IMMP1L: variants seen among roughly 807,000 people sequenced by gnomAD.
The protein encoded by IMMP1L is mitochondrial inner membrane protease subunit 1.
Under a neutral mutation model 21.8 loss-of-function variants are expected in IMMP1L, and 24 were observed. The ratio of observed to expected loss-of-function variants is 1.10; its 90% confidence interval spans 0.80 to 1.55. IMMP1L has a LOEUF of 1.55. IMMP1L is among the 40% of genes most tolerant of loss of function. IMMP1L has a pLI of 0.00. For synonymous variants in IMMP1L, 46 were observed against 62.8 expected (o/e 0.73, Z 1.26); for missense variants, 195 against 200.7 (o/e 0.97, Z 0.17).
At chr11:31,451,234 A>C (rs912220572) in intron 4 of IMMP1L, among the ~76,000 whole-genome samples, 1 of 152,160 alleles carries the variant, frequency 6.6e-6, no homozygotes, top group South Asian at 2.1e-4. Flanking sequence ...TAAGCAGAAG[A>C]GTGACATAAT....
chr11:31,448,544 T>C (rs1453786225), intron 4 of IMMP1L, among the ~76,000 whole-genome samples: 1 of 152,196 alleles, frequency 6.6e-6, no homozygotes, highest in Non-Finnish European at 1.5e-5. Context: ...TTCATTTTAC[T>C]CAACTGTATC....
intron 1 of IMMP1L, among the ~76,000 whole-genome samples, chr11:31,486,547 G>T (rs1370662215): frequency 6.6e-6 from 1 of 150,988 alleles, no homozygotes. Context: ...AATCATTTTA[G>T]AATGTTCCCC....
intron 1 of IMMP1L, among the ~76,000 whole-genome samples, chr11:31,482,982 T>C (rs939761426): frequency 3.9e-5 from 6 of 152,010 alleles, no homozygotes; most frequent in African/African-American, 1.4e-4. Context: ...CACAACTACA[T>C]GCAGCAATAA....
chr11:31,454,462 A>AC (rs983265142), intron 4 of IMMP1L, among the ~76,000 whole-genome samples: 3 of 150,810 alleles, frequency 2.0e-5, no homozygotes, highest in African/African-American at 7.3e-5. Context: ...AAAAAAAAAA[A>AC]AAAAAAAAAA....
intron 5 of IMMP1L, among the ~76,000 whole-genome samples, 171 bp downstream of exon 5, chr11:31,433,289 A>G (rs937318813): frequency 5.9e-5 from 9 of 152,154 alleles, no homozygotes; most frequent in Admixed American, 4.6e-4. Context: ...GAGCAGGGGC[A>G]ATGGGGGAAT....
chr11:31,506,226 C>CT (rs548091856), intron 1 of IMMP1L, among the ~76,000 whole-genome samples: 13,126 of 131,166 alleles, frequency 0.1, 2,202 homozygotes, highest in African/African-American at 0.32. Flanking sequence ...AAACATATAA[C>CT]TTTTTTTTTT....
chr11:31,435,988 C>A (rs1265646434), intron 4 of IMMP1L, among the ~76,000 whole-genome samples: 1 of 151,840 alleles, frequency 6.6e-6, no homozygotes. Context: ...TTTTTCTGTG[C>A]ATTTATTTGA....
intron 3 of IMMP1L, among the ~76,000 whole-genome samples, chr11:31,457,443 C>T (rs1953984985): frequency 6.6e-6 from 1 of 152,204 alleles, no homozygotes; most frequent in African/African-American, 2.4e-5. Context: ...TTGACTAACA[C>T]ACGTTTAAAA....
chr11:31,502,873 A>G (rs1168849873), intron 1 of IMMP1L, among the ~76,000 whole-genome samples: 3 of 152,202 alleles, frequency 2.0e-5, no homozygotes, highest in Non-Finnish European at 4.4e-5. Context: ...TGTGTTGACC[A>G]TTAAAAACAC....
chr11:31,489,829 T>A (rs1955198081), intron 1 of IMMP1L, among the ~76,000 whole-genome samples: 1 of 152,174 alleles, frequency 6.6e-6, no homozygotes, highest in Admixed American at 6.5e-5. Context: ...TATCGTTTCA[T>A]CCACTTACAA....
At chr11:31,446,947 T>TACATAA (rs1358004287) in intron 4 of IMMP1L, among the ~76,000 whole-genome samples, 1 of 152,174 alleles carries the variant, frequency 6.6e-6, no homozygotes, top group Non-Finnish European at 1.5e-5. Context: ...TACATAAAAT[T>TACATAA]AAGAATTCAG....
At chr11:31,442,807 C>T (rs1029203116) in intron 4 of IMMP1L, among the ~76,000 whole-genome samples, 1 of 150,498 alleles carries the variant, frequency 6.6e-6, no homozygotes, top group African/African-American at 2.4e-5. Flanking sequence ...AAAGAGCACA[C>T]ATTTATGAAA....
chr11:31,478,980 G>A (rs949208422), intron 1 of IMMP1L, among the ~76,000 whole-genome samples: 1 of 151,886 alleles, frequency 6.6e-6, no homozygotes, highest in Non-Finnish European at 1.5e-5. Flanking sequence ...AGAGAAATTA[G>A]GAAAATGATA....
chr11:31,505,237 ACAGT>A (rs1409758650), intron 1 of IMMP1L, among the ~76,000 whole-genome samples: 1 of 152,210 alleles, frequency 6.6e-6, no homozygotes, highest in Non-Finnish European at 1.5e-5. Flanking sequence ...AGGATTTACA[ACAGT>A]CAATCAAGGA....
intron 1 of IMMP1L, chr11:31,477,449 C>T (rs1307460712): frequency 1.5e-6 from 1 of 648,412 alleles, no homozygotes; most frequent in Non-Finnish European, 1.9e-6. Context: ...TATAGCTTAA[C>T]ATAAGGTTAC....
intron 1 of IMMP1L, among the ~76,000 whole-genome samples, chr11:31,507,546 T>A (rs1217026973): frequency 6.6e-6 from 1 of 152,188 alleles, no homozygotes. Flanking sequence ...TATACCATTA[T>A]GTTAAGTGAA....
At chr11:31,451,791 G>A (rs1340825076) in intron 4 of IMMP1L, among the ~76,000 whole-genome samples, 2 of 152,174 alleles carry the variant, frequency 1.3e-5, no homozygotes, top group East Asian at 1.9e-4. Context: ...GTCAGCTAAA[G>A]TATAAGTGTA....
intron 1 of IMMP1L, among the ~76,000 whole-genome samples, chr11:31,484,627 A>G (rs887818697): frequency 1.3e-5 from 2 of 151,890 alleles, no homozygotes; most frequent in Admixed American, 6.6e-5. Flanking sequence ...TCTGTAATAA[A>G]TTCCCAAAAT....
intron 1 of IMMP1L, among the ~76,000 whole-genome samples, chr11:31,484,232 C>T (rs1273876952): frequency 2.0e-5 from 3 of 151,770 alleles, no homozygotes; most frequent in Non-Finnish European, 4.4e-5. Flanking sequence ...AGTAAAAGTC[C>T]CATCTTCCCT....
Sources: gnomAD v4.1 joint callset for allele counts (sites outside exome capture counted in the v4.1 genomes callset) on GRCh38, gnomAD v4.1.1 for gene constraint, MANE v1.5 for transcripts, NCBI Gene and HGNC (gene_info 2026-07-23, HGNC 2026-07-21) for gene names.